Variants in GMFG observed in about 807,000 individuals in gnomAD.
GMFG encodes the protein glia maturation factor gamma.
A neutral mutation model predicts 26.1 loss-of-function variants in GMFG; 21 were observed. The ratio of observed to expected loss-of-function variants is 0.80; its 90% CI spans 0.57 to 1.16. The LOEUF is 1.16. GMFG is among the 50% of genes most tolerant of loss of function. The pLI is 0.00. For synonymous variants in GMFG, 65 were observed against 60.8 expected (o/e 1.07, Z -0.32); for missense variants, 161 against 178.3 (o/e 0.90, Z 0.55).
chr19:39,333,002 C>T, intron 4 of GMFG, 75 bp downstream of exon 4: 1 of 974,226 alleles, frequency 1.0e-6, no homozygotes, highest in African/African-American at 1.6e-5. Flanking sequence ...GGAACTCCAG[C>T]AGTCCCTTAG....
intron 6 of GMFG, 59 bp from the exon 7 acceptor site, chr19:39,328,607 C>T: frequency 7.9e-7 from 1 of 1,259,608 alleles, no homozygotes. Context: ...AGTGGCTGGG[C>T]ACGGTGGCTC....
At chr19:39,331,969 C>T (rs2075228049) in intron 4 of GMFG, among the ~76,000 whole-genome samples, 1 of 151,810 alleles carries the variant, frequency 6.6e-6, no homozygotes, top group African/African-American at 2.4e-5. Flanking sequence ...CTCAACTGAC[C>T]CCCGACATCA....
chr19:39,330,898 C>T (rs761534125), intron 4 of GMFG, among the ~76,000 whole-genome samples: 1 of 152,020 alleles, frequency 6.6e-6, no homozygotes, highest in Admixed American at 6.6e-5. Context: ...CTGCGCCTGG[C>T]CTTTTTTTAA....
rs1391483646 is a variant in GMFG, at chr19:39,333,122, A to G, written c.155T>C (p.Ile52Thr). 2 of 1,570,540 alleles carry G rather than the reference A, an allele frequency of 1.3e-6. No individual in the cohort carries two copies. Among genetic ancestry groups the G allele is most frequent in the African/African-American group, 1.4e-5 (1 of 73,540 alleles). The change falls in exon 4 of 7, where the codon ATT becomes ACT. Residue 52 changes from isoleucine (I) to threonine (T), a missense_variant. Physicochemically the swap from Ile to Thr is moderately conservative, Grantham distance 89. Coordinates refer to ENST00000597595, the MANE Select transcript of GMFG (RefSeq NM_004877.4). ...MVVLEEEFQN[I>T]SPEELKMELP... Reference sequence around the variant, plus strand: ...CTCCATTTTGAGCTCCTCTGGGGAAATGTTCTGAGGCAAGAAAACAGAAGA... The same window carrying G: ...CTCCATTTTGAGCTCCTCTGGGGAAGTGTTCTGAGGCAAGAAAACAGAAGA...
At chr19:39,329,436 A>G in intron 5 of GMFG, 108 bp downstream of exon 5, 1 of 715,040 alleles carries the variant, frequency 1.4e-6, no homozygotes. Context: ...ACAGGCTGTC[A>G]CATGCTCACA....
At chr19:39,335,934 C>T (rs769740086) in intron 1 of GMFG, 40 bp downstream of exon 1, 1 of 1,427,146 alleles carries the variant, frequency 7.0e-7, no homozygotes, top group Non-Finnish European at 9.9e-7. Flanking sequence ...CAGCCCCAAC[C>T]CCAGCCCCAG....
Position 39,328,562 on chromosome 19 carries a change from G to T in GMFG, c.358-14C>A. 6.3e-7 allele frequency: 1 copy of T among 1,597,680 alleles called. No individual in the cohort carries two copies. Among genetic ancestry groups the T allele is most frequent in the East Asian group, 2.2e-5 (1 of 44,766 alleles). On this transcript the variant is annotated splice_polypyrimidine_tract_variant and intron_variant, in intron 6 of 6. Transcript: ENST00000597595. Reference sequence around the variant, plus strand: ...GATTTCGAACACCTGGGCAGAGAGAGGTCTCGGCATTATGATCTACTCAAA... The same window carrying T: ...GATTTCGAACACCTGGGCAGAGAGATGTCTCGGCATTATGATCTACTCAAA...
At chr19:39,332,577 T>C (rs2075231142) in intron 4 of GMFG, among the ~76,000 whole-genome samples, 1 of 148,752 alleles carries the variant, frequency 6.7e-6, no homozygotes, top group Non-Finnish European at 1.5e-5. Flanking sequence ...AAATAATCGG[T>C]ATAAAATTCT....
chr19:39,329,713 T>C, intron 4 of GMFG, 87 bp from the exon 5 acceptor site: 1 of 828,870 alleles, frequency 1.2e-6, no homozygotes, highest in Non-Finnish European at 2.1e-6. Context: ...CTTGAAATGT[T>C]GGCTGAGTCT....
chr19:39,335,970 T>C lies in GMFG; in HGVS notation c.3+4A>G. 6.4e-7 allele frequency: 1 copy of C among 1,568,756 alleles called. No homozygotes were observed. The highest frequency in any genetic ancestry group is 8.8e-7 in the Non-Finnish European group (1 of 1,138,990). On this transcript the variant is annotated splice_donor_region_variant and intron_variant, in intron 1 of 6. Transcript: ENST00000597595. ...CTCTTCCCATAGAACCCCTGGCCCC[T>C]GACCATGATTGTTCTGTCCACAGGC... is the stretch of plus-strand genomic sequence containing the variant.
In GMFG at chr19:39,335,492, T is replaced by C; in HGVS notation, c.43A>G (p.Thr15Ala). 6.2e-7 allele frequency: 1 copy of C among 1,614,018 alleles called. No homozygotes were observed. The highest frequency in any genetic ancestry group is 8.5e-7 in the Non-Finnish European group (1 of 1,179,864). Residue 15 changes from threonine to alanine, a missense_variant, in exon 2 of 7, where the codon ACA (threonine) becomes GCA (alanine). Transcript: ENST00000597595. Reference protein sequence around the residue: ...LVVCEVDPELTEKLRKFRFRK... With the variant: ...LVVCEVDPELAEKLRKFRFRK... ...AAGCGGAATTTCCTCAGCTTTTCTG[T>C]TAGCTCTGGGTCTACCTCGCACACC...
Position 39,336,031 on chromosome 19 carries a change from G to T in GMFG, c.-55C>A, listed in dbSNP as rs1231566424. ...CTTAGTTCCGCTGTCTTCTAGGCGT[G>T]GGGACCGGGGCTGTAGGGGGGCGGG... On this transcript the variant is annotated 5_prime_UTR_variant, in exon 1 of 7. Coordinates refer to ENST00000597595, the MANE Select transcript of GMFG (RefSeq NM_004877.4). 3.3e-6 allele frequency: 5 copies of T among 1,508,790 alleles called. No homozygotes were observed. The highest frequency in any genetic ancestry group is 1.7e-5 in the Admixed American group (1 of 59,690). The allele number at this position is 1,508,790 out of a possible 1,614,324, so 93.5% of individuals were successfully genotyped here.
At position 39,328,415 on chromosome 19, in the gene GMFG, G is replaced by C; in HGVS notation, c.*62C>G. The C allele has an allele frequency of 9.4e-7, 1 of 1,068,562 alleles. No homozygotes were observed. The highest frequency in any genetic ancestry group is 1.7e-5 in the Admixed American group (1 of 59,078). The allele number at this position is 1,068,562 out of a possible 1,614,324, so 66.2% of individuals were successfully genotyped here. A position where few individuals can be genotyped will look rare whatever the true frequency, so the allele number is the denominator to read the frequency against. ...AGTCTTGGTTGTTCAGGTCCTAGGG[G>C]TTCCAAGTCCCCAGTCACCTTGAGG... On this transcript the variant is annotated 3_prime_UTR_variant, in exon 7 of 7. Coordinates refer to ENST00000597595, the MANE Select transcript of GMFG (RefSeq NM_004877.4).
chr19:39,335,311 C>G lies in GMFG; in HGVS notation c.101-1G>C. ...ATCTGCCGGTCTTTGTCCACCTTCA[C>G]TGGGGAGGGGTGGCACACAGGGATT... is the stretch of plus-strand genomic sequence containing the variant. On this transcript the variant is annotated splice_acceptor_variant, in intron 2 of 6. Transcript: ENST00000597595. LOFTEE classifies it high-confidence loss of function. 1 of 1,575,390 alleles carries G rather than the reference C, an allele frequency of 6.3e-7. No homozygotes were observed.
At chr19:39,328,745 G>T (rs1182874903) in intron 6 of GMFG, 197 bp from the exon 7 acceptor site, 2 of 610,238 alleles carry the variant, frequency 3.3e-6, no homozygotes, top group Non-Finnish European at 5.8e-6. Flanking sequence ...CAGGTGTGGT[G>T]GCGTGTGCCT....
At chr19:39,332,042 T>C (rs1260024414) in intron 4 of GMFG, among the ~76,000 whole-genome samples, 1 of 150,460 alleles carries the variant, frequency 6.6e-6, no homozygotes, top group Non-Finnish European at 1.5e-5. Flanking sequence ...TTTTTTTTTT[T>C]AATAGAGACA....
At chr19:39,334,139 C>T (rs1352792547) in intron 3 of GMFG, among the ~76,000 whole-genome samples, 4 of 151,656 alleles carry the variant, frequency 2.6e-5, no homozygotes, top group Non-Finnish European at 4.4e-5. Context: ...GCCTCAGCCT[C>T]CCGAGTAGCT....
At chr19:39,335,721 G>A (rs1177572545) in intron 1 of GMFG, among the ~76,000 whole-genome samples, 190 bp from the exon 2 acceptor site, 2 of 152,170 alleles carry the variant, frequency 1.3e-5, no homozygotes, top group Non-Finnish European at 1.5e-5. Flanking sequence ...CTTGGGGGGC[G>A]GAGCAGAGGC....
chr19:39,330,759 G>A (rs1306928324), intron 4 of GMFG, among the ~76,000 whole-genome samples: 1 of 151,988 alleles, frequency 6.6e-6, no homozygotes, highest in Non-Finnish European at 1.5e-5. Flanking sequence ...ACCACATCCA[G>A]CTAATGTTTT....
Sources: allele counts gnomAD v4.1 joint callset (sites outside exome capture counted in the v4.1 genomes callset), GRCh38; gene constraint gnomAD v4.1.1; transcripts MANE v1.5; gene names NCBI Gene and HGNC (gene_info 2026-07-23, HGNC 2026-07-21).